Variants in PYGO1 observed in about 807,000 individuals in gnomAD.
PYGO1 encodes the protein pygopus homolog 1.
Under a neutral mutation model 29.5 loss-of-function variants are expected in PYGO1, and 6 were observed. The ratio of observed to expected loss-of-function variants is 0.20; its 90% CI spans 0.11 to 0.40. PYGO1 has a LOEUF of 0.40. PYGO1 is among the 10% of genes least tolerant of loss of function. The pLI is 1.00. For synonymous variants in PYGO1, 186 were observed against 180.5 expected, an observed-to-expected ratio of 1.03 and a Z score of -0.24; for missense variants, 515 against 514.9, an observed-to-expected ratio of 1.00 and a Z score of 0.00.
intron 1 of PYGO1, among the ~76,000 whole-genome samples, chr15:55,560,798 T>C (rs1477209928): frequency 6.6e-6 from 1 of 151,748 alleles, no homozygotes; most frequent in African/African-American, 2.4e-5. Context: ...CTGTCTCTAC[T>C]AAAAAATACA....
chr15:55,555,386 T>C (rs1452159912), intron 1 of PYGO1, among the ~76,000 whole-genome samples: 1 of 151,642 alleles, frequency 6.6e-6, no homozygotes, highest in Non-Finnish European at 1.5e-5. Context: ...GAAAAACTGT[T>C]GCCAGCCAGT....
In PYGO1 at chr15:55,588,001, G is replaced by T; in HGVS notation, c.-118C>A. On this transcript the variant is annotated 5_prime_UTR_variant, in exon 1 of 3. Coordinates refer to ENST00000563719, the MANE Select transcript of PYGO1 (RefSeq NM_001367806.1). ...CGGCTGCGAGGCAAGCCTCGGAGCC[G>T]AGGCACGGCCGAGGGCGGTGGGGAC... is the stretch of plus-strand genomic sequence containing the variant. 1 of 1,369,326 alleles carries T rather than the reference G, an allele frequency of 7.3e-7. No individual in the cohort carries two copies. Among genetic ancestry groups the T allele is most frequent in the Non-Finnish European group, 9.5e-7 (1 of 1,054,798 alleles). The allele number at this position is 1,369,326 out of a possible 1,614,324, so 84.8% of individuals were successfully genotyped here. A position where few individuals can be genotyped will look rare whatever the true frequency, so the allele number is the denominator to read the frequency against.
chr15:55,571,489 G>C (rs1046714217), intron 1 of PYGO1, among the ~76,000 whole-genome samples: 1 of 152,124 alleles, frequency 6.6e-6, no homozygotes, highest in Non-Finnish European at 1.5e-5. Flanking sequence ...GGAGGTAACT[G>C]AATCATGGGG....
In PYGO1 at chr15:55,546,682, C is replaced by A. The variant is rs769596095; in HGVS notation, c.601G>T (p.Ala201Ser). ...NASQVSNPDL[A>S]SNFVPGNNSN... is the part of the protein sequence containing the mutation. ...TTATTTCCAGGAACAAAATTAGATG[C>A]CAAATCGGGGTTAGAAACTTGGCTA... The change falls in exon 3 of 3, where the codon GCA becomes TCA. Residue 201 changes from alanine to serine, a missense_variant. By Grantham distance (99) the Ala-to-Ser change is moderately conservative (BLOSUM62 1). Transcript: ENST00000563719. The A allele has an allele frequency of 9.9e-6, 16 of 1,613,746 alleles. No individual in the cohort carries two copies. Among genetic ancestry groups the A allele is most frequent in the African/African-American group, 2.7e-5 (2 of 74,834 alleles).
At position 55,544,288 on chromosome 15, in the gene PYGO1, G is replaced by C. The variant is rs1177336866; in HGVS notation, c.*1735C>G. On this transcript the variant is annotated 3_prime_UTR_variant, in exon 3 of 3. Coordinates refer to ENST00000563719, the MANE Select transcript of PYGO1 (RefSeq NM_001367806.1). Reference sequence around the variant, plus strand: ...GTTTTCTTCCAACAGAATATTAAAGGTCTAACTTTTATAAAATTCATCATT... The same window carrying C: ...GTTTTCTTCCAACAGAATATTAAAGCTCTAACTTTTATAAAATTCATCATT... 1 of 152,124 alleles carries C rather than the reference G, an allele frequency of 6.6e-6. No homozygotes were observed. The highest frequency in any genetic ancestry group is 3.2e-3 in the Middle Eastern group (1 of 316). The allele number at this position is 152,124 out of a possible 1,614,324, so 9.4% of individuals were successfully genotyped here.
intron 1 of PYGO1, among the ~76,000 whole-genome samples, chr15:55,567,197 CTTTT>C (rs71297645): frequency 1.0e-3 from 47 of 47,070 alleles, no homozygotes; most frequent in African/African-American, 3.7e-3. Flanking sequence ...TTTTGCCCAC[CTTTT>C]TTTTTTTTTT....
intron 1 of PYGO1, among the ~76,000 whole-genome samples, chr15:55,574,444 AT>A (rs2058992907): frequency 6.6e-6 from 1 of 152,156 alleles, no homozygotes; most frequent in African/African-American, 2.4e-5. Flanking sequence ...ACTTTTTGTA[AT>A]AGATTTGTGT....
chr15:55,584,902 T>A (rs1220380974), intron 1 of PYGO1, among the ~76,000 whole-genome samples: 1 of 152,148 alleles, frequency 6.6e-6, no homozygotes, highest in Admixed American at 6.5e-5. Context: ...ATAATCTAGG[T>A]CTATTAGTGG....
At position 55,588,012 on chromosome 15, in the gene PYGO1, G is replaced by T; in HGVS notation, c.-129C>A. On this transcript the variant is annotated 5_prime_UTR_variant, in exon 1 of 3. Coordinates refer to ENST00000563719, the MANE Select transcript of PYGO1 (RefSeq NM_001367806.1). ...CAAGCCTCGGAGCCGAGGCACGGCC[G>T]AGGGCGGTGGGGACGCGGGCCGACT... 1 of 1,306,522 alleles carries T rather than the reference G, an allele frequency of 7.7e-7. No individual in the cohort carries two copies. The highest frequency in any genetic ancestry group is 9.8e-7 in the Non-Finnish European group (1 of 1,023,470). The allele number at this position is 1,306,522 out of a possible 1,614,324, so 80.9% of individuals were successfully genotyped here.
Position 55,544,143 on chromosome 15 carries a change from G to A in PYGO1, c.*1880C>T, listed in dbSNP as rs1226089563. 6.6e-6 allele frequency: 1 copy of A among 152,064 alleles called. No homozygotes were observed. Among genetic ancestry groups the A allele is most frequent in the African/African-American group, 2.4e-5 (1 of 41,410 alleles). The allele number at this position is 152,064 out of a possible 1,614,324, so 9.4% of individuals were successfully genotyped here. On this transcript the variant is annotated 3_prime_UTR_variant, in exon 3 of 3. Coordinates refer to ENST00000563719, the MANE Select transcript of PYGO1 (RefSeq NM_001367806.1). The stretch of plus-strand genomic sequence containing the variant: ...ACCTCTAACTAGTCAAGGGTAAATG[G>A]AGAAAACCTTGTATTACCTTGTACC...
chr15:55,560,313 G>C (rs1424871373), intron 1 of PYGO1, among the ~76,000 whole-genome samples: 1 of 152,140 alleles, frequency 6.6e-6, no homozygotes, highest in Non-Finnish European at 1.5e-5. Context: ...TTCTTAAGCT[G>C]ATAAGCAACT....
chr15:55,588,581 G>C (rs2059060802), upstream of PYGO1, among the ~76,000 whole-genome samples: 2 of 140,256 alleles, frequency 1.4e-5, no homozygotes, highest in Admixed American at 7.2e-5. Context: ...CGGGGCTCGC[G>C]GGCCCGCGGC....
intron 1 of PYGO1, among the ~76,000 whole-genome samples, chr15:55,566,874 G>A (rs1188394511): frequency 1.3e-5 from 2 of 152,118 alleles, no homozygotes; most frequent in Admixed American, 6.6e-5. Context: ...GAGACTACAG[G>A]TGTGGGCTGC....
intron 1 of PYGO1, among the ~76,000 whole-genome samples, chr15:55,558,143 C>T (rs1201411286): frequency 6.6e-6 from 1 of 152,206 alleles, no homozygotes; most frequent in African/African-American, 2.4e-5. Context: ...TAAGCAACTT[C>T]AGCAAAGTCT....
chr15:55,545,427 C>G lies in PYGO1; in HGVS notation c.*596G>C, dbSNP rs2058845236. 6.6e-6 allele frequency: 1 copy of G among 152,150 alleles called. No individual in the cohort carries two copies. Among genetic ancestry groups the G allele is most frequent in the Non-Finnish European group, 1.5e-5 (1 of 68,036 alleles). The allele number at this position is 152,150 out of a possible 1,614,324, so 9.4% of individuals were successfully genotyped here. The stretch of plus-strand genomic sequence containing the variant: ...ATCAACAATACTTACTGAGAATTTA[C>G]TATATGCTAAGATCTGTCTCGTATC... On this transcript the variant is annotated 3_prime_UTR_variant, in exon 3 of 3. Coordinates refer to ENST00000563719, the MANE Select transcript of PYGO1 (RefSeq NM_001367806.1).
At chr15:55,558,777 C>T (rs1371585695) in intron 1 of PYGO1, among the ~76,000 whole-genome samples, 1 of 151,880 alleles carries the variant, frequency 6.6e-6, no homozygotes, top group Non-Finnish European at 1.5e-5. Context: ...AACTGGCCAG[C>T]CATATGTAGA....
intron 1 of PYGO1, among the ~76,000 whole-genome samples, chr15:55,582,825 CTT>C (rs1211474553): frequency 6.6e-6 from 1 of 152,186 alleles, no homozygotes; most frequent in Non-Finnish European, 1.5e-5. Flanking sequence ...TTCCTTCAGA[CTT>C]TCTCTCACAG....
intron 1 of PYGO1, among the ~76,000 whole-genome samples, chr15:55,574,849 C>T (rs763870925): frequency 9.9e-5 from 15 of 151,996 alleles, no homozygotes; most frequent in Non-Finnish European, 1.6e-4. Context: ...CCTTCATTTG[C>T]TATAGTATAT....
intron 1 of PYGO1, among the ~76,000 whole-genome samples, chr15:55,577,273 T>C (rs1448060035): frequency 6.6e-6 from 1 of 152,166 alleles, no homozygotes; most frequent in East Asian, 1.9e-4. Flanking sequence ...GTCTCTTATC[T>C]GCCTATGACC....
Sources: gnomAD v4.1 joint callset for allele counts (sites outside exome capture counted in the v4.1 genomes callset) on GRCh38, gnomAD v4.1.1 for gene constraint, MANE v1.5 for transcripts, NCBI Gene and HGNC (gene_info 2026-07-23, HGNC 2026-07-21) for gene names.